The following FER variants were observed in gnomAD, a reference collection of about 807,000 sequenced individuals.
FER encodes the protein FER tyrosine kinase.
In FER, 63 loss-of-function variants were observed where a neutral mutation model predicts 111.0. The ratio of observed to expected loss-of-function variants is 0.57; its 90% CI spans 0.46 to 0.70. The LOEUF (loss-of-function observed/expected upper bound fraction) is 0.70, where lower values mean the gene tolerates loss of function less well. Among genes scored for constraint, FER ranks in the 30% least tolerant of loss-of-function variants. The probability of loss-of-function intolerance (pLI) is 0.00; values close to 1 mark genes in which losing one functional copy is unlikely to be tolerated. For synonymous variants in FER, 327 were observed against 313.9 expected, an observed-to-expected ratio of 1.04 and a Z score of -0.44; for missense variants, 914 against 954.0, an observed-to-expected ratio of 0.96 and a Z score of 0.55.
At chr5:108,997,073 G>A (rs192529729) in intron 13 of FER, among the ~76,000 whole-genome samples, 50 of 151,936 alleles carry the variant, frequency 3.3e-4, no homozygotes, top group African/African-American at 1.2e-3. Flanking sequence ...TGTTATTGGT[G>A]TTTAGGAATG....
At chr5:109,009,671 C>G (rs1202809644) in intron 13 of FER, among the ~76,000 whole-genome samples, 1 of 152,186 alleles carries the variant, frequency 6.6e-6, no homozygotes, top group African/African-American at 2.4e-5. Flanking sequence ...CCTGTATAAG[C>G]CACCACCCAA....
At chr5:109,068,277 G>C (rs1020821656) in intron 16 of FER, among the ~76,000 whole-genome samples, 2 of 151,760 alleles carry the variant, frequency 1.3e-5, no homozygotes, top group African/African-American at 4.8e-5. Flanking sequence ...TCTGCCTTCC[G>C]GGTTCAAGCA....
At chr5:109,108,459 A>C (rs949199725) in intron 17 of FER, among the ~76,000 whole-genome samples, 1 of 152,166 alleles carries the variant, frequency 6.6e-6, no homozygotes, top group African/African-American at 2.4e-5. Context: ...TTGTAGGGAG[A>C]AGAGAATCTT....
intron 17 of FER, among the ~76,000 whole-genome samples, chr5:109,155,457 T>C (rs1206767192): frequency 6.6e-6 from 1 of 151,934 alleles, no homozygotes; most frequent in Non-Finnish European, 1.5e-5. Context: ...AGAAATTGCA[T>C]AGAGGTACTT....
chr5:109,018,891 A>G (rs1354341376), intron 13 of FER, among the ~76,000 whole-genome samples: 3 of 151,612 alleles, frequency 2.0e-5, no homozygotes, highest in Admixed American at 6.6e-5. Flanking sequence ...GTAAAATAGA[A>G]CAGGAAACCT....
chr5:108,883,385 G>C lies in FER; in HGVS notation c.924-11G>C. ...TTTGTTGGTTGTTATTGAGGATACT[G>C]TTTATTCTAGGTTGAAAACGTTAGC... On this transcript the variant is annotated splice_polypyrimidine_tract_variant and intron_variant, in intron 8 of 19. Transcript: ENST00000281092. 3 of 1,594,340 alleles carry C rather than the reference G, an allele frequency of 1.9e-6. No homozygotes were observed. Among genetic ancestry groups the C allele is most frequent in the Non-Finnish European group, 2.6e-6 (3 of 1,170,924 alleles).
intron 3 of FER, among the ~76,000 whole-genome samples, chr5:108,822,277 G>A (rs145959311): frequency 5.3e-5 from 8 of 152,160 alleles, no homozygotes; most frequent in East Asian, 1.9e-4. Context: ...CATTTGTTGA[G>A]GGTTGTTCCT....
chr5:109,083,680 C>G (rs77587444), intron 16 of FER, among the ~76,000 whole-genome samples: 3 of 151,906 alleles, frequency 2.0e-5, no homozygotes, highest in Non-Finnish European at 4.4e-5. Context: ...AATGCAAGAC[C>G]GTCACTGATC....
At chr5:109,180,246 A>G (rs1758145234) in intron 17 of FER, among the ~76,000 whole-genome samples, 1 of 152,176 alleles carries the variant, frequency 6.6e-6, no homozygotes, top group African/African-American at 2.4e-5. Flanking sequence ...ACCTTTGGGA[A>G]GCCCTAAGAA....
At chr5:108,809,880 A>G (rs1193285144) in intron 3 of FER, among the ~76,000 whole-genome samples, 1 of 152,112 alleles carries the variant, frequency 6.6e-6, no homozygotes, top group Non-Finnish European at 1.5e-5. Flanking sequence ...TAAATTCTTT[A>G]TCTGTCATTT....
chr5:108,941,535 A>G (rs540830086), intron 10 of FER, among the ~76,000 whole-genome samples: 5 of 152,282 alleles, frequency 3.3e-5, no homozygotes, highest in African/African-American at 1.2e-4. Context: ...TCCTTGTCTC[A>G]CAGTTTATTA....
At chr5:109,116,873 A>G (rs1319277551) in intron 17 of FER, among the ~76,000 whole-genome samples, 3 of 152,202 alleles carry the variant, frequency 2.0e-5, no homozygotes. Context: ...CTAAAGTGAA[A>G]TGAATAATAA....
At chr5:109,172,508 T>C (rs1212497808) in intron 17 of FER, among the ~76,000 whole-genome samples, 1 of 103,396 alleles carries the variant, frequency 9.7e-6, no homozygotes, top group African/African-American at 3.6e-5. Flanking sequence ...GGGGGAGGGA[T>C]AGCATTAGGA....
chr5:109,039,640 A>G (rs1489448166), intron 14 of FER, among the ~76,000 whole-genome samples: 1 of 152,090 alleles, frequency 6.6e-6, no homozygotes, highest in African/African-American at 2.4e-5. Flanking sequence ...ATCTGAGGGA[A>G]GAGGGGTCTA....
chr5:109,022,438 A>G (rs981736732), intron 13 of FER, among the ~76,000 whole-genome samples: 3 of 152,136 alleles, frequency 2.0e-5, no homozygotes, highest in South Asian at 4.1e-4. Context: ...GACTTCTCCT[A>G]TACTGCCATG....
At chr5:109,069,875 T>G (rs1334982380) in intron 16 of FER, among the ~76,000 whole-genome samples, 2 of 152,138 alleles carry the variant, frequency 1.3e-5, no homozygotes, top group Non-Finnish European at 2.9e-5. Context: ...TTGGTCTGTT[T>G]TACTTCATTT....
At chr5:109,160,513 A>G (rs1007313018) in intron 17 of FER, among the ~76,000 whole-genome samples, 2 of 152,132 alleles carry the variant, frequency 1.3e-5, no homozygotes, top group African/African-American at 2.4e-5. Context: ...GCAAAATACT[A>G]TGTCTTCCCT....
At chr5:109,177,692 A>T (rs1470055242) in intron 17 of FER, 2 of 152,202 alleles carry the variant, frequency 1.3e-5, no homozygotes, top group Non-Finnish European at 2.9e-5. Context: ...TATGACTTGT[A>T]AGACACCTCT....
Position 109,038,221 on chromosome 5 carries a change from AGTGACTTAATTAGTGATTATTTC to A in FER, c.1713+744_1713+766del, listed in dbSNP as rs144731199. ...ATGAATAAGTATTCACTTTTTTGTC[AGTGACTTAATTAGTGATTATTTC>A]CATTAATATATAAAAATGTGAATTC... On this transcript the variant is annotated intron_variant, in intron 14 of 19. Transcript: ENST00000281092. 3.8e-3 allele frequency among the ~76,000 whole-genome samples: 580 copies of A among 151,960 alleles called. 4 individuals are homozygous for A. Among genetic ancestry groups the A allele is most frequent in the African/African-American group, 0.014 (564 of 41,548 alleles).
Sources: allele counts gnomAD v4.1 joint callset (sites outside exome capture counted in the v4.1 genomes callset), GRCh38; gene constraint gnomAD v4.1.1; transcripts MANE v1.5; gene names NCBI Gene and HGNC (gene_info 2026-07-23, HGNC 2026-07-21).